FGF14: variants seen among roughly 807,000 people sequenced by gnomAD.
FGF14 encodes the protein fibroblast growth factor 14.
A neutral mutation model predicts 25.5 loss-of-function variants in FGF14; 5 were observed. That is an observed-to-expected ratio of 0.20 (90% CI 0.10 to 0.41). The LOEUF (loss-of-function observed/expected upper bound fraction) is 0.41, where lower values mean the gene tolerates loss of function less well. FGF14 is among the 10% of genes least tolerant of loss of function. FGF14 has a pLI of 1.00. For missense variants in FGF14, 222 were observed against 320.1 expected, an observed-to-expected ratio of 0.69 and a Z score of 2.34; for synonymous variants, 138 against 118.3, an observed-to-expected ratio of 1.17 and a Z score of -1.08.
chr13:102,365,895 T>C (rs2057697704), intron 1 of FGF14, among the ~76,000 whole-genome samples: 1 of 152,184 alleles, frequency 6.6e-6, no homozygotes, highest in South Asian at 2.1e-4. Context: ...GACTTGGCTA[T>C]ATTTCTATGA....
At chr13:102,083,990 C>A (rs761892449) in intron 1 of FGF14, among the ~76,000 whole-genome samples, 1 of 152,116 alleles carries the variant, frequency 6.6e-6, no homozygotes, top group African/African-American at 2.4e-5. Context: ...TCTTAATCTC[C>A]GAGTTCATCT....
chr13:101,816,026 T>G (rs1046006203), intron 3 of FGF14, among the ~76,000 whole-genome samples: 3 of 151,822 alleles, frequency 2.0e-5, no homozygotes, highest in Admixed American at 2.0e-4. Flanking sequence ...ATCCTAGCAC[T>G]TTGGGAGGCC....
intron 3 of FGF14, among the ~76,000 whole-genome samples, chr13:101,847,074 C>A (rs1009325315): frequency 1.3e-5 from 2 of 151,964 alleles, no homozygotes; most frequent in African/African-American, 4.8e-5. Context: ...CCTTTCCATT[C>A]TAAAATTCAA....
chr13:102,256,228 G>A lies in FGF14; in HGVS notation c.208+145243C>T, dbSNP rs578210572. 3.3e-5 allele frequency among the ~76,000 whole-genome samples: 5 copies of A among 152,214 alleles called. No individual in the cohort carries two copies. In the South Asian group the frequency reaches 1.0e-3, roughly 32 times the overall value. On this transcript the variant is annotated intron_variant, in intron 1 of 4. Transcript: ENST00000376131. ...GAAGTCTTTCAAAAGTAGCTAACAT[G>A]CCAGGCATGGTGGTTCATGCCTGTA... is the stretch of plus-strand genomic sequence containing the variant.
chr13:102,181,822 T>C (rs1477256626), intron 1 of FGF14, among the ~76,000 whole-genome samples: 1 of 152,154 alleles, frequency 6.6e-6, no homozygotes, highest in Non-Finnish European at 1.5e-5. Flanking sequence ...AGGTAATGTA[T>C]TCACAGGTTC....
chr13:101,937,679 C>G (rs762768659), intron 1 of FGF14, among the ~76,000 whole-genome samples: 12 of 152,254 alleles, frequency 7.9e-5, no homozygotes, highest in Non-Finnish European at 1.2e-4. Flanking sequence ...ACTGCAACCT[C>G]TGCCTCCCGG....
chr13:102,158,359 C>T lies in FGF14; in HGVS notation c.208+243112G>A, dbSNP rs368297829. On this transcript the variant is annotated intron_variant, in intron 1 of 4. Coordinates refer to the FGF14 transcript ENST00000376131. ...GCAGCCATAAAAAATGATGAGTTCA[C>T]GTCCTTTGCAGGGACATGGATGAAG... is the stretch of plus-strand genomic sequence containing the variant. Among the ~76,000 whole-genome samples, 168 of 152,176 alleles carry T rather than the reference C, an allele frequency of 1.1e-3. 1 individual carries two copies. In the South Asian group the frequency reaches 0.013, roughly 11 times the overall value.
rs2034857511 is a variant in FGF14 at position 101,719,695 on chromosome 13, T to G, written c.*3136A>C. 6.6e-6 allele frequency: 1 copy of G among 152,076 alleles called. No individual in the cohort carries two copies. Among genetic ancestry groups the G allele is most frequent in the South Asian group, 2.1e-4 (1 of 4,832 alleles). 9.4% of individuals were successfully genotyped at this position (152,076 alleles called of 1,614,324 possible). ...GTAGAAATAACCCTCCCACACCAGA[T>G]ATGCATGCAGAAGGAATGGAGTATT... On this transcript the variant is annotated 3_prime_UTR_variant, in exon 5 of 5. Coordinates refer to ENST00000376143, the MANE Select transcript of FGF14 (RefSeq NM_004115.4).
At chr13:101,901,735 C>T (rs997103751) in intron 1 of FGF14, among the ~76,000 whole-genome samples, 1 of 151,842 alleles carries the variant, frequency 6.6e-6, no homozygotes, top group African/African-American at 2.4e-5. Flanking sequence ...CCCAAAAAAC[C>T]CAACTAATCA....
chr13:102,360,968 T>A (rs918400563), intron 1 of FGF14, among the ~76,000 whole-genome samples: 2 of 152,108 alleles, frequency 1.3e-5, no homozygotes, highest in Non-Finnish European at 2.9e-5. Flanking sequence ...TGCTGTATCA[T>A]TTGAAGGTAA....
intron 3 of FGF14, among the ~76,000 whole-genome samples, chr13:101,797,968 A>G (rs2040648600): frequency 6.6e-6 from 1 of 152,140 alleles, no homozygotes; most frequent in Admixed American, 6.6e-5. Context: ...CATGATATTT[A>G]TCAGTAAATG....
In FGF14 at chr13:102,400,352, C is replaced by A. The variant is rs578219999; in HGVS notation, c.208+1119G>T. ...TGCCCGCTCCCTCCTTCAGACACAA[C>A]CCCAGACAAAAACAGCCGGCCCCGG... is the stretch of plus-strand genomic sequence containing the variant. On this transcript the variant is annotated intron_variant, in intron 1 of 4. Coordinates refer to the FGF14 transcript ENST00000376131. This position sits in a 1 kb window ranked among gnomAD's most constrained non-coding sequence, Gnocchi z 4.3. 6.6e-6 allele frequency among the ~76,000 whole-genome samples: 1 copy of A among 152,206 alleles called. No homozygotes were observed. The highest frequency in any genetic ancestry group is 1.9e-4 in the East Asian group (1 of 5,182).
At chr13:101,982,669 G>C (rs1171212400) in intron 1 of FGF14, among the ~76,000 whole-genome samples, 1 of 152,106 alleles carries the variant, frequency 6.6e-6, no homozygotes, top group Non-Finnish European at 1.5e-5. Flanking sequence ...TAAGGAACTG[G>C]GTTATAAAGA....
intron 1 of FGF14, chr13:102,292,294 A>AC (rs1566907895): frequency 1.3e-5 from 2 of 150,352 alleles, no homozygotes; most frequent in African/African-American, 2.4e-5. Flanking sequence ...AAAAAAAAAA[A>AC]AAAAAAAAAA....
chr13:102,026,925 G>A (rs183835437), intron 1 of FGF14, among the ~76,000 whole-genome samples: 1 of 152,038 alleles, frequency 6.6e-6, no homozygotes, highest in East Asian at 1.9e-4. Flanking sequence ...TCTATTAATA[G>A]CTTGACTTAG....
intron 1 of FGF14, among the ~76,000 whole-genome samples, chr13:101,888,947 T>TA (rs2046128894): frequency 6.6e-6 from 1 of 152,264 alleles, no homozygotes; most frequent in Admixed American, 6.5e-5. Flanking sequence ...ATAATTAAGT[T>TA]AAAATGAGGT....
chr13:101,738,284 A>C (rs1244402570), intron 3 of FGF14, among the ~76,000 whole-genome samples: 3 of 152,220 alleles, frequency 2.0e-5, no homozygotes, highest in Non-Finnish European at 2.9e-5. Context: ...TTGAAAATAC[A>C]AAACAGATAA....
chr13:101,788,977 T>C (rs1359937088), intron 3 of FGF14, among the ~76,000 whole-genome samples: 1 of 102,102 alleles, frequency 9.8e-6, no homozygotes. Context: ...GAGACAGAGA[T>C]AGATAAATAG....
At chr13:101,887,866 A>G (rs538727043) in intron 1 of FGF14, among the ~76,000 whole-genome samples, 23 of 152,308 alleles carry the variant, frequency 1.5e-4, no homozygotes, top group African/African-American at 5.5e-4. Context: ...CACAATCTTT[A>G]TGTATCAAAA....
Sources: allele counts gnomAD v4.1 joint callset (sites outside exome capture counted in the v4.1 genomes callset), GRCh38; gene constraint gnomAD v4.1.1; non-coding constraint Gnocchi (gnomAD v3.1); transcripts MANE v1.5; gene names NCBI Gene and HGNC (gene_info 2026-07-23, HGNC 2026-07-21).